The following SYN3 variants were observed in gnomAD, a reference collection of about 807,000 sequenced individuals.
SYN3 encodes synapsin-3.
In SYN3, 35 loss-of-function variants were observed where a neutral mutation model predicts 65.8. That is an observed-to-expected ratio of 0.53 (90% CI 0.41 to 0.70). The LOEUF (loss-of-function observed/expected upper bound fraction) is 0.70, where lower values mean the gene tolerates loss of function less well. SYN3 is among the 30% of genes least tolerant of loss of function. The pLI, the probability that SYN3 is intolerant of heterozygous loss-of-function variation, is 0.00. For missense variants in SYN3, 680 were observed against 749.0 expected (o/e 0.91, Z 1.08); for synonymous variants, 270 against 292.9 (o/e 0.92, Z 0.80).
chr22:32,976,357 T>C lies in SYN3; in HGVS notation c.369+4288A>G, dbSNP rs144618358. Among the ~76,000 whole-genome samples the C allele has an allele frequency of 2.9e-3, 436 of 152,340 alleles. 4 individuals are homozygous for C. Among genetic ancestry groups the C allele is most frequent in the Middle Eastern group, 0.01 (3 of 294 alleles). On this transcript the variant is annotated intron_variant, in intron 3 of 13. Coordinates refer to ENST00000358763, the MANE Select transcript of SYN3 (RefSeq NM_003490.4). ...TAGAGCAAGGCATTAGTGTTCTTTC[T>C]GCCTTGGTACCTCTGTCAACACGGA...
At chr22:33,048,959 T>C (rs187845911) in intron 1 of SYN3, among the ~76,000 whole-genome samples, 1 of 152,166 alleles carries the variant, frequency 6.6e-6, no homozygotes, top group Non-Finnish European at 1.5e-5. Context: ...GCAGACAACT[T>C]CTTTTTTGAC....
intron 6 of SYN3, among the ~76,000 whole-genome samples, chr22:32,679,662 C>A (rs932986049): frequency 1.3e-5 from 2 of 151,998 alleles, no homozygotes; most frequent in Admixed American, 6.6e-5. Context: ...AACAGCCATC[C>A]TAACATCCTA....
chr22:32,553,126 C>T (rs535039800), intron 7 of SYN3, among the ~76,000 whole-genome samples: 77 of 152,282 alleles, frequency 5.1e-4, no homozygotes, highest in Non-Finnish European at 9.1e-4. Flanking sequence ...ATCGTGACCT[C>T]ATCTAAACCT....
chr22:32,800,398 C>T (rs5749511), intron 6 of SYN3, among the ~76,000 whole-genome samples: 7,630 of 152,210 alleles, frequency 0.05, 231 homozygotes, highest in Non-Finnish European at 0.056. Flanking sequence ...AAAGGGGTGA[C>T]GAGTTCCTGG....
At chr22:32,560,240 G>C (rs923028250) in intron 7 of SYN3, among the ~76,000 whole-genome samples, 1 of 152,212 alleles carries the variant, frequency 6.6e-6, no homozygotes, top group African/African-American at 2.4e-5. Flanking sequence ...TTTCATTCCT[G>C]CTCTAAAGCT....
chr22:33,004,452 T>G (rs1427740594), intron 2 of SYN3, among the ~76,000 whole-genome samples: 1 of 152,186 alleles, frequency 6.6e-6, no homozygotes, highest in Admixed American at 6.5e-5. Flanking sequence ...CAAAGGAGAT[T>G]ATTTCAGAGC....
intron 6 of SYN3, among the ~76,000 whole-genome samples, chr22:32,681,083 A>C (rs958606368): frequency 3.0e-4 from 44 of 148,590 alleles, no homozygotes; most frequent in African/African-American, 9.7e-4. Context: ...AGGCTCAAGG[A>C]ATGGCAAGAA....
chr22:32,628,212 C>T (rs75936865), intron 6 of SYN3, among the ~76,000 whole-genome samples: 11,482 of 152,170 alleles, frequency 0.075, 570 homozygotes, highest in South Asian at 0.2. Context: ...AGGCAAGATA[C>T]AGTTCCAAAA....
chr22:32,605,544 T>C (rs1391268246), intron 6 of SYN3, among the ~76,000 whole-genome samples: 1 of 152,224 alleles, frequency 6.6e-6, no homozygotes, highest in East Asian at 1.9e-4. Flanking sequence ...ATACTTCTTC[T>C]GTGAGGTAGC....
chr22:32,549,726 CAGT>C (rs1383362005), intron 7 of SYN3, among the ~76,000 whole-genome samples: 2 of 152,130 alleles, frequency 1.3e-5, no homozygotes, highest in Non-Finnish European at 2.9e-5. Context: ...TAGTGAAACT[CAGT>C]CTCTAGTAAA....
chr22:32,818,658 G>T (rs557674929), intron 6 of SYN3, among the ~76,000 whole-genome samples: 77 of 152,282 alleles, frequency 5.1e-4, no homozygotes, highest in Non-Finnish European at 1.0e-3. Flanking sequence ...TCTCCCCTCC[G>T]GCGCTGGGCC....
chr22:32,726,515 C>T (rs180947101), intron 6 of SYN3, among the ~76,000 whole-genome samples: 18 of 152,274 alleles, frequency 1.2e-4, no homozygotes, highest in Admixed American at 1.0e-3. Flanking sequence ...GTGTCATGCC[C>T]ACAAAATGTG....
intron 6 of SYN3, among the ~76,000 whole-genome samples, chr22:32,800,735 C>T (rs905294527): frequency 3.3e-5 from 5 of 152,186 alleles, no homozygotes; most frequent in African/African-American, 4.8e-5. Context: ...GGAACCACTT[C>T]CTCTTGCCTT....
At chr22:32,524,280 C>T (rs1461297188) in intron 12 of SYN3, among the ~76,000 whole-genome samples, 1 of 152,216 alleles carries the variant, frequency 6.6e-6, no homozygotes, top group Non-Finnish European at 1.5e-5. Flanking sequence ...CTATCTAGGG[C>T]TTTCATAGCT....
chr22:32,943,509 A>C (rs182224692), intron 3 of SYN3, among the ~76,000 whole-genome samples: 3 of 152,348 alleles, frequency 2.0e-5, no homozygotes, highest in Admixed American at 2.0e-4. Context: ...AAATGTAAAG[A>C]CCATCGATGC....
intron 6 of SYN3, among the ~76,000 whole-genome samples, chr22:32,602,502 G>GC (rs552373437): frequency 3.9e-5 from 6 of 152,170 alleles, no homozygotes; most frequent in South Asian, 4.2e-4. Flanking sequence ...TTGCTCTGTT[G>GC]CCAGGCTGGA....
At chr22:32,657,605 G>A (rs1265641298) in intron 6 of SYN3, among the ~76,000 whole-genome samples, 1 of 152,232 alleles carries the variant, frequency 6.6e-6, no homozygotes, top group Non-Finnish European at 1.5e-5. Context: ...GCAGAGCAGA[G>A]TGGGGGTGGC....
intron 7 of SYN3, among the ~76,000 whole-genome samples, chr22:32,548,553 T>C (rs907140607): frequency 6.6e-6 from 1 of 151,802 alleles, no homozygotes; most frequent in Non-Finnish European, 1.5e-5. Flanking sequence ...TTTGTATTTT[T>C]AGTAGAGACG....
chr22:32,915,815 A>G (rs971957403), intron 4 of SYN3, among the ~76,000 whole-genome samples: 6 of 152,212 alleles, frequency 3.9e-5, no homozygotes, highest in Non-Finnish European at 5.9e-5. Context: ...TGCATTTGGC[A>G]TCTGATTTAG....
Sources: allele counts gnomAD v4.1 joint callset (sites outside exome capture counted in the v4.1 genomes callset), GRCh38; gene constraint gnomAD v4.1.1; transcripts MANE v1.5; gene names NCBI Gene and HGNC (gene_info 2026-07-23, HGNC 2026-07-21).